Variants in IL1RAPL2 observed in about 807,000 individuals in gnomAD.
IL1RAPL2 encodes the protein X-linked interleukin-1 receptor accessory protein-like 2.
A neutral mutation model predicts 44.1 loss-of-function variants in IL1RAPL2; 3 were observed. That is an observed-to-expected ratio of 0.07 (90% confidence interval 0.03 to 0.18). The LOEUF (loss-of-function observed/expected upper bound fraction) is 0.18, where lower values mean the gene tolerates loss of function less well. Ranked by LOEUF, IL1RAPL2 falls within the 10% of genes least tolerant of loss-of-function variation. The pLI is 1.00. For missense variants in IL1RAPL2, 391 were observed against 496.4 expected, an observed-to-expected ratio of 0.79 and a Z score of 2.02; for synonymous variants, 181 against 178.8, an observed-to-expected ratio of 1.01 and a Z score of -0.10.
At chrX:105,217,883 T>A (rs1025921073) in intron 3 of IL1RAPL2, among the ~76,000 whole-genome samples, 13 of 110,906 alleles carry the variant, frequency 1.2e-4, no homozygotes, top group Non-Finnish European at 2.5e-4. Flanking sequence ...CTCATAAGTG[T>A]GAGGTGAAAA....
At chrX:105,199,046 A>C (rs935453184) in intron 3 of IL1RAPL2, among the ~76,000 whole-genome samples, 2 of 111,480 alleles carry the variant, frequency 1.8e-5, no homozygotes, top group Non-Finnish European at 3.8e-5. Flanking sequence ...TGTTATTCAC[A>C]GTCCACACTT....
intron 2 of IL1RAPL2, among the ~76,000 whole-genome samples, chrX:104,688,305 T>C (rs1390733738): frequency 8.9e-6 from 1 of 112,092 alleles, no homozygotes; most frequent in Non-Finnish European, 1.9e-5. Flanking sequence ...TTAAAGGGAT[T>C]TTTTTTACAG....
intron 6 of IL1RAPL2, among the ~76,000 whole-genome samples, chrX:105,498,207 C>G (rs182497641): frequency 8.9e-6 from 1 of 111,940 alleles, no homozygotes; most frequent in African/African-American, 3.2e-5. Flanking sequence ...TTGCAGAATA[C>G]AAAATCAATA....
At chrX:104,673,473 A>T (rs187688455) in intron 2 of IL1RAPL2, among the ~76,000 whole-genome samples, 1 of 110,666 alleles carries the variant, frequency 9.0e-6, no homozygotes, top group Non-Finnish European at 1.9e-5. Context: ...GTTTTGGTAC[A>T]AGTACCATGC....
chrX:105,033,086 C>T (rs1431939475), intron 2 of IL1RAPL2, among the ~76,000 whole-genome samples: 1 of 111,336 alleles, frequency 9.0e-6, no homozygotes, highest in African/African-American at 3.3e-5. Context: ...GTAGATCTTC[C>T]TCTATCCCTT....
At chrX:104,626,809 G>C (rs1383253650) in intron 1 of IL1RAPL2, among the ~76,000 whole-genome samples, 1 of 103,149 alleles carries the variant, frequency 9.7e-6, no homozygotes, top group Non-Finnish European at 2.0e-5. Flanking sequence ...TCCAATTGTA[G>C]TGTTTTGTAG....
At chrX:104,814,476 T>C (rs1921082385) in intron 2 of IL1RAPL2, among the ~76,000 whole-genome samples, 1 of 112,557 alleles carries the variant, frequency 8.9e-6, no homozygotes, top group African/African-American at 3.2e-5. Context: ...TTTTATCATC[T>C]TAGAGATGAG....
At chrX:104,610,613 T>G (rs749708242) in intron 1 of IL1RAPL2, among the ~76,000 whole-genome samples, 1 of 111,413 alleles carries the variant, frequency 9.0e-6, no homozygotes, top group African/African-American at 3.3e-5. Context: ...AAACCACTGC[T>G]CAATGAAATA....
At chrX:104,630,137 C>G (rs1258271013) in intron 1 of IL1RAPL2, among the ~76,000 whole-genome samples, 1 of 90,368 alleles carries the variant, frequency 1.1e-5, no homozygotes, top group Non-Finnish European at 2.1e-5. Flanking sequence ...GTGCATGCCA[C>G]CACACCTGGA....
At chrX:105,242,678 C>T (rs1556209687) in intron 4 of IL1RAPL2, among the ~76,000 whole-genome samples, 1 of 111,090 alleles carries the variant, frequency 9.0e-6, no homozygotes. Flanking sequence ...TTATTGTTTG[C>T]TCAAACCAGG....
chrX:105,636,030 C>T (rs210545), intron 6 of IL1RAPL2, among the ~76,000 whole-genome samples: 50,704 of 109,047 alleles, frequency 0.46, 10,441 homozygotes, highest in African/African-American at 0.8. Context: ...CCTGAGGGGA[C>T]AGAAGAGTCA....
chrX:104,908,041 C>T (rs1425162697), intron 2 of IL1RAPL2, among the ~76,000 whole-genome samples: 19 of 110,392 alleles, frequency 1.7e-4, no homozygotes, highest in Non-Finnish European at 3.0e-4. Context: ...TGAATTGATC[C>T]CTTTACCATT....
intron 6 of IL1RAPL2, among the ~76,000 whole-genome samples, chrX:105,597,737 A>G (rs770626605): frequency 1.4e-4 from 16 of 111,843 alleles, no homozygotes; most frequent in Non-Finnish European, 2.8e-4. Context: ...ATTACAGTTG[A>G]AGATGTGATT....
chrX:105,719,585 T>G (rs1393172776), intron 7 of IL1RAPL2, among the ~76,000 whole-genome samples: 1 of 111,449 alleles, frequency 9.0e-6, no homozygotes, highest in African/African-American at 3.3e-5. Context: ...GTTGTACCCA[T>G]CAAGCAGTCT....
At chrX:104,787,346 T>C (rs1251371584) in intron 2 of IL1RAPL2, among the ~76,000 whole-genome samples, 1 of 111,663 alleles carries the variant, frequency 9.0e-6, no homozygotes, top group Admixed American at 9.5e-5. Flanking sequence ...ACTGTGATTA[T>C]GTGTTTACAT....
chrX:105,093,122 T>A (rs1432570252), intron 2 of IL1RAPL2, among the ~76,000 whole-genome samples: 3 of 109,726 alleles, frequency 2.7e-5, no homozygotes. Context: ...GCTTCCACTC[T>A]ACCAACCTCC....
At chrX:105,379,687 C>T (rs999838039) in intron 5 of IL1RAPL2, among the ~76,000 whole-genome samples, 5 of 111,495 alleles carry the variant, frequency 4.5e-5, no homozygotes, top group African/African-American at 9.8e-5. Flanking sequence ...TAGCCTGTTG[C>T]ACCTCAGTTT....
At chrX:105,045,921 A>C (rs1345250997) in intron 2 of IL1RAPL2, among the ~76,000 whole-genome samples, 1 of 111,077 alleles carries the variant, frequency 9.0e-6, no homozygotes, top group Non-Finnish European at 1.9e-5. Flanking sequence ...TAATCTTAAA[A>C]AATTATTAAA....
chrX:105,487,289 G>A (rs1044822405), intron 6 of IL1RAPL2, among the ~76,000 whole-genome samples: 4 of 110,935 alleles, frequency 3.6e-5, no homozygotes, highest in Non-Finnish European at 5.7e-5. Context: ...CAGATTCACT[G>A]GGTGTAACAC....
Sources: gnomAD v4.1 joint callset for allele counts (sites outside exome capture counted in the v4.1 genomes callset) on GRCh38, gnomAD v4.1.1 for gene constraint, MANE v1.5 for transcripts, NCBI Gene and HGNC (gene_info 2026-07-23, HGNC 2026-07-21) for gene names.